The following ATF7IP2 variants were observed in gnomAD, a reference collection of about 807,000 sequenced individuals.
ATF7IP2 encodes the protein activating transcription factor 7 interacting protein 2.
A neutral mutation model predicts 64.2 loss-of-function variants in ATF7IP2; 42 were observed. The ratio of observed to expected loss-of-function variants is 0.65; its 90% CI spans 0.51 to 0.85. The LOEUF is 0.85. Among genes scored for constraint, ATF7IP2 ranks in the 40% least tolerant of loss-of-function variants. The pLI is 0.00. For synonymous variants in ATF7IP2, 308 were observed against 272.8 expected, an observed-to-expected ratio of 1.13 and a Z score of -1.27; for missense variants, 933 against 784.2, an observed-to-expected ratio of 1.19 and a Z score of -2.27.
chr16:10,415,500 C>A (rs1245261430), intron 2 of ATF7IP2, among the ~76,000 whole-genome samples: 2 of 152,168 alleles, frequency 1.3e-5, no homozygotes, highest in Non-Finnish European at 2.9e-5. Flanking sequence ...AAATCTAAGA[C>A]CCCAAACTAT....
At chr16:10,448,143 G>A (rs1379185097) in intron 8 of ATF7IP2, 1 of 152,058 alleles carries the variant, frequency 6.6e-6, no homozygotes, top group Non-Finnish European at 1.5e-5. Flanking sequence ...ATCTCTTTTG[G>A]TACCAGTACC....
rs939043074 is a variant in ATF7IP2 at position 10,431,527 on chromosome 16, A to G, written c.835+72A>G. ...TTTCTTTAGGGTATTTTAAAGTCTC[A>G]AATATACAAACCAGTATAGACAGAA... On this transcript the variant is annotated intron_variant, in intron 5 of 13. Coordinates refer to ENST00000562102, the MANE Select transcript of ATF7IP2 (RefSeq NM_001393719.1). 239 of 1,014,844 alleles carry G rather than the reference A, an allele frequency of 2.4e-4. 1 individual carries two copies. Among genetic ancestry groups the G allele is most frequent in the Non-Finnish European group, 3.3e-5 (23 of 690,134 alleles). The allele number at this position is 1,014,844 out of a possible 1,614,324, so 62.9% of individuals were successfully genotyped here.
chr16:10,402,275 G>A (rs1036243624), intron 1 of ATF7IP2, among the ~76,000 whole-genome samples: 6 of 151,736 alleles, frequency 4.0e-5, no homozygotes, highest in South Asian at 2.1e-4. Flanking sequence ...TTAGTATGTC[G>A]TTTTTCTATT....
intron 8 of ATF7IP2, chr16:10,447,202 C>G (rs1017506235): frequency 6.6e-6 from 1 of 152,392 alleles, no homozygotes; most frequent in Non-Finnish European, 1.5e-5. Context: ...AAGCACTTCA[C>G]CACCCCAGCG....
intron 8 of ATF7IP2, chr16:10,445,416 A>C (rs1436882474): frequency 2.0e-5 from 3 of 152,204 alleles, no homozygotes; most frequent in Non-Finnish European, 2.9e-5. Context: ...TTGATCTGCA[A>C]GGTTATTTCC....
rs56766112 is a variant in ATF7IP2, at chr16:10,473,894, C to CTTT, written c.1483-16_1483-14dup. The CTTT allele has an allele frequency of 3.9e-4, 406 of 1,043,876 alleles. 14 individuals carry two copies. Among genetic ancestry groups the CTTT allele is most frequent in the South Asian group, 1.6e-3 (81 of 49,582 alleles). 64.7% of individuals were successfully genotyped at this position (1,043,876 alleles called of 1,614,324 possible). On this transcript the variant is annotated intron_variant, in intron 11 of 13. Transcript: ENST00000562102. ...AACATTTTCAGCTATTGAGGCAAAG[C>CTTT]TTTTTTTTTTTTTTTACAATTTTTT...
intron 1 of ATF7IP2, among the ~76,000 whole-genome samples, chr16:10,393,532 A>G (rs992746276): frequency 9.9e-5 from 15 of 152,146 alleles, no homozygotes; most frequent in African/African-American, 2.7e-4. Context: ...TGAGAAATTC[A>G]AGACTTCAGT....
At chr16:10,427,069 G>C (rs1322386388) in intron 3 of ATF7IP2, among the ~76,000 whole-genome samples, 1 of 152,108 alleles carries the variant, frequency 6.6e-6, no homozygotes, top group African/African-American at 2.4e-5. Flanking sequence ...GGCCAGGGTG[G>C]TCTCGAACTC....
intron 8 of ATF7IP2, among the ~76,000 whole-genome samples, chr16:10,443,002 C>T (rs748225269): frequency 5.3e-5 from 8 of 152,228 alleles, no homozygotes; most frequent in South Asian, 2.1e-4. Flanking sequence ...ATCAAAAGAT[C>T]GTGAGGGGCC....
chr16:10,411,370 T>G (rs201102180), intron 1 of ATF7IP2, among the ~76,000 whole-genome samples: 2 of 141,070 alleles, frequency 1.4e-5, no homozygotes, highest in African/African-American at 2.7e-5. Flanking sequence ...TTTTTGGTGT[T>G]TTGTTGTTGT....
intron 9 of ATF7IP2, among the ~76,000 whole-genome samples, chr16:10,466,228 A>G (rs1201507927): frequency 6.6e-6 from 1 of 152,240 alleles, no homozygotes; most frequent in African/African-American, 2.4e-5. Flanking sequence ...ATATGCCACA[A>G]TTATATCTAT....
chr16:10,470,837 A>G (rs7199175), intron 9 of ATF7IP2, among the ~76,000 whole-genome samples: 71,020 of 137,180 alleles, frequency 0.52, 17,659 homozygotes, highest in East Asian at 0.59. Flanking sequence ...ATATATATAT[A>G]TGTGTGTGTA....
At chr16:10,424,968 A>G (rs911710796) in intron 3 of ATF7IP2, among the ~76,000 whole-genome samples, 1 of 152,208 alleles carries the variant, frequency 6.6e-6, no homozygotes, top group African/African-American at 2.4e-5. Flanking sequence ...CACATGACCA[A>G]ATAATTCTAC....
chr16:10,430,565 T>A, intron 4 of ATF7IP2, 46 bp from the exon 5 acceptor site: 1 of 1,222,834 alleles, frequency 8.2e-7, no homozygotes. Context: ...TAAATAACTT[T>A]TATTCACTAG....
intron 8 of ATF7IP2, among the ~76,000 whole-genome samples, chr16:10,455,931 C>T (rs1018178830): frequency 1.3e-5 from 2 of 152,098 alleles, no homozygotes; most frequent in African/African-American, 4.8e-5. Flanking sequence ...ATATGGAAAA[C>T]AACTTGTAAA....
chr16:10,387,864 C>T (rs1272042980), intron 1 of ATF7IP2: 2 of 143,888 alleles, frequency 1.4e-5, no homozygotes, highest in East Asian at 2.1e-4. Context: ...ACACACACTG[C>T]GGTGACTTAT....
chr16:10,397,998 A>ATC (rs1169621008), intron 1 of ATF7IP2, among the ~76,000 whole-genome samples: 1 of 152,066 alleles, frequency 6.6e-6, no homozygotes. Flanking sequence ...ACCTGTTAGG[A>ATC]TGACTTATCA....
chr16:10,455,051 TTAATTGTGCCAAGATGGTTGA>T (rs1396824446), intron 8 of ATF7IP2, among the ~76,000 whole-genome samples: 5 of 152,190 alleles, frequency 3.3e-5, no homozygotes, highest in African/African-American at 1.2e-4. Context: ...CATGTTTGAG[TTAATTGTGCCAAGATGGTTGA>T]TAGTGTTTTT....
At position 10,445,970 on chromosome 16, in the gene ATF7IP2, T is replaced by C. The variant is rs570590572; in HGVS notation, c.1194+5508T>C. The stretch of plus-strand genomic sequence containing the variant: ...AGTTCCTTCTTGGTTCTGCAAGTGC[T>C]TTAGGCTTGATATAATGCAAACAAT... On this transcript the variant is annotated intron_variant, in intron 8 of 13. Coordinates refer to ENST00000562102, the MANE Select transcript of ATF7IP2 (RefSeq NM_001393719.1). The C allele has an allele frequency of 2.6e-5, 4 of 152,360 alleles. No homozygotes were observed. In the South Asian group the frequency reaches 8.3e-4, roughly 32 times the overall value. The allele number at this position is 152,360 out of a possible 1,614,324, so 9.4% of individuals were successfully genotyped here. A position where few individuals can be genotyped will look rare whatever the true frequency, so the allele number is the denominator to read the frequency against.
Sources: allele counts gnomAD v4.1 joint callset (sites outside exome capture counted in the v4.1 genomes callset), GRCh38; gene constraint gnomAD v4.1.1; transcripts MANE v1.5; gene names NCBI Gene and HGNC (gene_info 2026-07-23, HGNC 2026-07-21).